SOX5: variants seen among roughly 807,000 people sequenced by gnomAD.
SOX5 encodes the protein SRY-box transcription factor 5.
A neutral mutation model predicts 92.0 loss-of-function variants in SOX5; 9 were observed. That is an observed-to-expected ratio of 0.10 (90% CI 0.06 to 0.17). The LOEUF is 0.17. Among genes scored for constraint, SOX5 ranks in the 10% least tolerant of loss-of-function variants. SOX5 has a pLI of 1.00. For synonymous variants in SOX5, 344 were observed against 336.3 expected, an observed-to-expected ratio of 1.02 and a Z score of -0.25; for missense variants, 642 against 944.5, an observed-to-expected ratio of 0.68 and a Z score of 4.20.
intron 4 of SOX5, among the ~76,000 whole-genome samples, chr12:24,023,489 T>A (rs553454666): frequency 3.3e-5 from 5 of 152,220 alleles, no homozygotes; most frequent in South Asian, 4.1e-4. Flanking sequence ...AGAAGGAAAA[T>A]TTATCTCAAT....
chr12:24,338,686 T>C (rs1338757842), intron 2 of SOX5, among the ~76,000 whole-genome samples: 6 of 152,116 alleles, frequency 3.9e-5, no homozygotes, highest in African/African-American at 1.4e-4. Context: ...GGGAGGTAAT[T>C]GAATCGTGAG....
intron 6 of SOX5, among the ~76,000 whole-genome samples, chr12:23,686,442 AT>A (rs2087603168): frequency 6.6e-6 from 1 of 152,198 alleles, no homozygotes; most frequent in Non-Finnish European, 1.5e-5. Context: ...GAATACAAAA[AT>A]ATTCCCCAAC....
intron 4 of SOX5, among the ~76,000 whole-genome samples, chr12:23,997,561 T>C (rs1275653590): frequency 1.3e-5 from 2 of 152,138 alleles, no homozygotes; most frequent in Non-Finnish European, 2.9e-5. Context: ...CAGCATAAGA[T>C]CGTGGAGAGA....
At chr12:24,096,805 C>G (rs771061656) in intron 4 of SOX5, among the ~76,000 whole-genome samples, 1 of 151,958 alleles carries the variant, frequency 6.6e-6, no homozygotes, top group Non-Finnish European at 1.5e-5. Flanking sequence ...CTCATAATAA[C>G]TTTTTGGTTA....
intron 4 of SOX5, among the ~76,000 whole-genome samples, chr12:24,123,866 T>C (rs1380861186): frequency 6.6e-6 from 1 of 152,148 alleles, no homozygotes; most frequent in African/African-American, 2.4e-5. Context: ...AGCACCAGGG[T>C]TGAGCAGCTG....
chr12:24,358,056 A>C (rs953708598), intron 2 of SOX5, among the ~76,000 whole-genome samples: 1 of 152,170 alleles, frequency 6.6e-6, no homozygotes, highest in Non-Finnish European at 1.5e-5. Context: ...AGTGTGTGGC[A>C]CGTAACGGGC....
chr12:24,318,242 T>C (rs1949889211), intron 2 of SOX5, among the ~76,000 whole-genome samples: 1 of 152,026 alleles, frequency 6.6e-6, no homozygotes, highest in Non-Finnish European at 1.5e-5. Context: ...AAACAAATAT[T>C]TCACAGCCTT....
chr12:23,738,187 G>T (rs1044426567), intron 5 of SOX5, among the ~76,000 whole-genome samples: 1 of 152,214 alleles, frequency 6.6e-6, no homozygotes, highest in South Asian at 2.1e-4. Context: ...CAGTAAACAG[G>T]TCCTTTAGCT....
chr12:24,286,704 G>C (rs1945908689), intron 2 of SOX5, among the ~76,000 whole-genome samples: 1 of 152,110 alleles, frequency 6.6e-6, no homozygotes, highest in African/African-American at 2.4e-5. Flanking sequence ...CATCTGGCAG[G>C]ATTATGGGGA....
rs935641473 is a variant in SOX5, at chr12:23,570,594, A to G, written c.1342+5067T>C. ...GGAGTATGAGGCCAGACTGGACAAC[A>G]TGAGAAAACCCATCTCTAAAAAAAT... On this transcript the variant is annotated intron_variant, in intron 10 of 14. Transcript: ENST00000451604. 6.6e-5 allele frequency among the ~76,000 whole-genome samples: 10 copies of G among 151,732 alleles called. No individual in the cohort carries two copies. In the East Asian group the frequency reaches 9.7e-4, roughly 15 times the overall value.
At chr12:24,124,094 T>C (rs1948878787) in intron 4 of SOX5, among the ~76,000 whole-genome samples, 1 of 152,352 alleles carries the variant, frequency 6.6e-6, no homozygotes, top group African/African-American at 2.4e-5. Flanking sequence ...TACAATATGC[T>C]ATTTTTCTTT....
At chr12:24,241,842 A>G (rs1327507842) in intron 3 of SOX5, among the ~76,000 whole-genome samples, 1 of 152,194 alleles carries the variant, frequency 6.6e-6, no homozygotes, top group Non-Finnish European at 1.5e-5. Flanking sequence ...GTTCATGAAA[A>G]TTAATCAGCC....
At chr12:23,612,209 A>C (rs138193490) in intron 8 of SOX5, among the ~76,000 whole-genome samples, 3,463 of 152,182 alleles carry the variant, frequency 0.023, 66 homozygotes, top group Non-Finnish European at 0.035. Context: ...AATAAAATAT[A>C]TTAAAAATAT....
At chr12:23,839,990 C>CAAAAAAAAA (rs142394109) in intron 3 of SOX5, among the ~76,000 whole-genome samples, 6 of 121,828 alleles carry the variant, frequency 4.9e-5, no homozygotes, top group Admixed American at 8.4e-5. Context: ...CTCAAGAAGA[C>CAAAAAAAAA]AAAAAAAAAA....
chr12:23,943,941 A>G (rs1944114891), intron 1 of SOX5, among the ~76,000 whole-genome samples: 1 of 152,164 alleles, frequency 6.6e-6, no homozygotes. Flanking sequence ...GCATGTTAAC[A>G]AGTTTATCAA....
chr12:24,383,844 G>C (rs7968903), intron 1 of SOX5, among the ~76,000 whole-genome samples: 1 of 151,874 alleles, frequency 6.6e-6, no homozygotes, highest in Non-Finnish European at 1.5e-5. Flanking sequence ...GATACGGTTT[G>C]GCTGTGTCCC....
chr12:24,051,041 A>G (rs902682440), intron 4 of SOX5, among the ~76,000 whole-genome samples: 6 of 152,098 alleles, frequency 3.9e-5, no homozygotes. Context: ...AAAACATACT[A>G]ATTTTCTCCA....
At chr12:23,952,900 T>C (rs1190263270), upstream of SOX5, among the ~76,000 whole-genome samples, 1 of 152,168 alleles carries the variant, frequency 6.6e-6, no homozygotes, top group Non-Finnish European at 1.5e-5. Context: ...GCCACTTCTA[T>C]CTATTTCACT....
chr12:23,892,817 C>A (rs1387895078), intron 2 of SOX5, among the ~76,000 whole-genome samples: 1 of 152,158 alleles, frequency 6.6e-6, no homozygotes, highest in Non-Finnish European at 1.5e-5. Flanking sequence ...TACAGATCTA[C>A]TTAAGAATCC....
Sources: gnomAD v4.1 joint callset for allele counts (sites outside exome capture counted in the v4.1 genomes callset) on GRCh38, gnomAD v4.1.1 for gene constraint, MANE v1.5 for transcripts, NCBI Gene and HGNC (gene_info 2026-07-23, HGNC 2026-07-21) for gene names.